MCPH1: variants seen among roughly 807,000 people sequenced by gnomAD.
MCPH1 encodes microcephalin.
In MCPH1, 104 loss-of-function variants were observed where a neutral mutation model predicts 84.5. The observed-to-expected ratio is 1.23, with a 90% CI of 1.05 to 1.45. The LOEUF (loss-of-function observed/expected upper bound fraction) is 1.45. Among genes scored for constraint, MCPH1 ranks in the 40% most tolerant of loss-of-function variants. MCPH1 has a pLI of 0.00. For missense variants in MCPH1, 1,498 were observed against 1,005.7 expected, an observed-to-expected ratio of 1.49 and a Z score of -6.62; for synonymous variants, 514 against 366.8, an observed-to-expected ratio of 1.40 and a Z score of -4.58.
At chr8:6,443,151 A>C (rs1272694935) in intron 7 of MCPH1, among the ~76,000 whole-genome samples, 2 of 152,210 alleles carry the variant, frequency 1.3e-5, no homozygotes, top group Non-Finnish European at 2.9e-5. Flanking sequence ...CCATTTTGCC[A>C]GTGAAAAACC....
chr8:6,582,154 A>C (rs116666249), intron 12 of MCPH1, among the ~76,000 whole-genome samples: 1 of 152,188 alleles, frequency 6.6e-6, no homozygotes, highest in African/African-American at 2.4e-5. Flanking sequence ...AGGGGTCTCA[A>C]GCTGCCTTCA....
intron 12 of MCPH1, among the ~76,000 whole-genome samples, chr8:6,583,845 A>C (rs1430025480): frequency 1.8e-5 from 2 of 111,254 alleles, no homozygotes; most frequent in Non-Finnish European, 3.8e-5. Context: ...ATTGGTGTTC[A>C]TTTCTTGTTT....
At chr8:6,532,482 C>T (rs1430809944) in intron 12 of MCPH1, 1 of 1,610,338 alleles carries the variant, frequency 6.2e-7, no homozygotes, top group African/African-American at 1.3e-5. Context: ...GGATATAATT[C>T]TCAAGCTAGA....
At position 6,601,552 on chromosome 8, in the gene MCPH1, C is replaced by T. The variant is rs567226682; in HGVS notation, c.2215-19902C>T. On this transcript the variant is annotated intron_variant, in intron 12 of 13. Transcript: ENST00000344683. Reference sequence around the variant, plus strand: ...ACACACACACACACACACACCCCTACGCACACCCACACCCCACATGCACAT... The same window carrying T: ...ACACACACACACACACACACCCCTATGCACACCCACACCCCACATGCACAT... Among the ~76,000 whole-genome samples the T allele has an allele frequency of 3.2e-3, 434 of 134,786 alleles. 4 individuals are homozygous for T. In the South Asian group the frequency reaches 0.046, roughly 14 times the overall value. 88.4% of individuals were successfully genotyped at this position (134,786 alleles called of 152,430 possible).
intron 8 of MCPH1, among the ~76,000 whole-genome samples, chr8:6,448,054 T>G (rs1323268171): frequency 6.6e-6 from 1 of 152,206 alleles, no homozygotes; most frequent in Non-Finnish European, 1.5e-5. Flanking sequence ...GTGTCTCAGG[T>G]GCTCTTCAAG....
At chr8:6,554,462 C>G (rs899758925) in intron 12 of MCPH1, among the ~76,000 whole-genome samples, 1 of 152,056 alleles carries the variant, frequency 6.6e-6, no homozygotes, top group African/African-American at 2.4e-5. Flanking sequence ...TAATCCATTT[C>G]CCAAGATTTC....
chr8:6,572,753 G>A (rs1399116432), intron 12 of MCPH1, among the ~76,000 whole-genome samples: 3 of 152,188 alleles, frequency 2.0e-5, no homozygotes, highest in Non-Finnish European at 4.4e-5. Flanking sequence ...ACCCAGTCCT[G>A]TTCACCCCAA....
At chr8:6,437,309 C>T (rs1285703120) in intron 5 of MCPH1, among the ~76,000 whole-genome samples, 1 of 152,118 alleles carries the variant, frequency 6.6e-6, no homozygotes, top group East Asian at 1.9e-4. Context: ...TGGCTCACTA[C>T]AACCTCCACC....
At chr8:6,510,684 C>A (rs1265608717) in intron 12 of MCPH1, among the ~76,000 whole-genome samples, 4 of 152,148 alleles carry the variant, frequency 2.6e-5, no homozygotes, top group Non-Finnish European at 5.9e-5. Flanking sequence ...GCACCAGATG[C>A]AGCAAATGCC....
intron 4 of MCPH1, among the ~76,000 whole-genome samples, chr8:6,435,508 A>G (rs919229770): frequency 1.3e-5 from 2 of 152,110 alleles, no homozygotes; most frequent in African/African-American, 4.8e-5. Flanking sequence ...GTTGTGTCAC[A>G]AGGTGATGCC....
chr8:6,444,369 T>A, intron 7 of MCPH1, 24 bp from the exon 8 acceptor site: 1 of 1,613,764 alleles, frequency 6.2e-7, no homozygotes, highest in Non-Finnish European at 8.5e-7. Flanking sequence ...TTTTAAAAGT[T>A]AGCTCTCCGT....
At chr8:6,458,835 G>A (rs1805974706) in intron 9 of MCPH1, among the ~76,000 whole-genome samples, 1 of 152,120 alleles carries the variant, frequency 6.6e-6, no homozygotes, top group African/African-American at 2.4e-5. Flanking sequence ...TTGTAGAGAT[G>A]GGGTTTCACC....
In MCPH1 at chr8:6,557,539, T is replaced by G. The variant is rs1824833242; in HGVS notation, c.2214+57610T>G. 2.6e-5 allele frequency among the ~76,000 whole-genome samples: 4 copies of G among 152,148 alleles called. No homozygotes were observed. The South Asian group carries it at 8.3e-4, about 32-fold the overall frequency. On this transcript the variant is annotated intron_variant, in intron 12 of 13. Coordinates refer to ENST00000344683, the MANE Select transcript of MCPH1 (RefSeq NM_024596.5). ...GGTTCCTTCAAGCCAAAGGAGGATGTAGTGAAAAGAGAATAGGTGTTGGCT... is the reference window on the plus strand; with the variant it reads ...GGTTCCTTCAAGCCAAAGGAGGATGGAGTGAAAAGAGAATAGGTGTTGGCT...
chr8:6,584,637 G>A (rs1252981952), intron 12 of MCPH1, among the ~76,000 whole-genome samples: 1 of 152,178 alleles, frequency 6.6e-6, no homozygotes, highest in Non-Finnish European at 1.5e-5. Context: ...GTATTTCTCA[G>A]TGTTCGCTAC....
intron 11 of MCPH1, among the ~76,000 whole-genome samples, chr8:6,499,403 T>C (rs922445465): frequency 5.3e-5 from 8 of 152,168 alleles, no homozygotes; most frequent in African/African-American, 1.9e-4. Context: ...TAGCCAATGT[T>C]AGAAACAAAG....
intron 2 of MCPH1, among the ~76,000 whole-genome samples, chr8:6,410,985 G>C (rs1798456566): frequency 1.3e-5 from 2 of 152,144 alleles, no homozygotes; most frequent in Non-Finnish European, 2.9e-5. Flanking sequence ...AGTGATTCGG[G>C]AGGCTGAGGC....
intron 9 of MCPH1, among the ~76,000 whole-genome samples, chr8:6,466,432 T>C (rs1806957165): frequency 6.6e-6 from 1 of 151,068 alleles, no homozygotes; most frequent in African/African-American, 2.4e-5. Context: ...CTCAACCTCC[T>C]GGGTAGCTGG....
chr8:6,631,336 A>G (rs1373785793), intron 13 of MCPH1, among the ~76,000 whole-genome samples: 1 of 152,244 alleles, frequency 6.6e-6, no homozygotes, highest in Admixed American at 6.5e-5. Flanking sequence ...ATTGCACTAT[A>G]TACAAATTAA....
At chr8:6,545,880 C>A (rs1355514076) in intron 12 of MCPH1, among the ~76,000 whole-genome samples, 6 of 152,186 alleles carry the variant, frequency 3.9e-5, no homozygotes, top group African/African-American at 1.4e-4. Flanking sequence ...TGAGCTACTG[C>A]AATGCAAGTG....
Sources: gnomAD v4.1 joint callset for allele counts (sites outside exome capture counted in the v4.1 genomes callset) on GRCh38, gnomAD v4.1.1 for gene constraint, MANE v1.5 for transcripts, NCBI Gene and HGNC (gene_info 2026-07-23, HGNC 2026-07-21) for gene names.